The following RUNX1 variants were observed in gnomAD, a reference collection of about 807,000 sequenced individuals.
RUNX1 encodes the protein RUNX family transcription factor 1, also known as runt-related transcription factor 1.
RUNX1 carries 19 observed loss-of-function variants against 42.8 expected under a neutral mutation model. The ratio of observed to expected loss-of-function variants is 0.44; its 90% confidence interval spans 0.31 to 0.65. RUNX1 has a LOEUF of 0.65. Ranked by LOEUF, RUNX1 falls within the 30% of genes least tolerant of loss-of-function variation. The probability of loss-of-function intolerance (pLI) is 0.07; values close to 1 mark genes in which losing one functional copy is unlikely to be tolerated. For synonymous variants in RUNX1, 271 were observed against 289.4 expected (o/e 0.94, Z 0.64); for missense variants, 528 against 672.0 (o/e 0.79, Z 2.37).
At chr21:34,961,915 C>CA (rs1219039403) in intron 2 of RUNX1, among the ~76,000 whole-genome samples, 1 of 151,880 alleles carries the variant, frequency 6.6e-6, no homozygotes, top group African/African-American at 2.4e-5. Flanking sequence ...TTTTGTGAGA[C>CA]AGAGTCTCAC....
intron 3 of RUNX1, 164 bp from the exon 4 acceptor site, chr21:34,887,260 G>GGGGGGGT: frequency 7.8e-6 from 6 of 771,776 alleles, no homozygotes; most frequent in Admixed American, 1.5e-4. Context: ...GGCGGGGGTG[G>GGGGGGGT]TTAGGGGAGG....
chr21:35,019,333 A>G (rs1046763898), intron 2 of RUNX1, among the ~76,000 whole-genome samples: 2 of 152,124 alleles, frequency 1.3e-5, no homozygotes, highest in African/African-American at 2.4e-5. Context: ...AGTCGTCTGA[A>G]TGGCTATGGT....
chr21:35,035,236 C>T (rs183043431), intron 2 of RUNX1, among the ~76,000 whole-genome samples: 5 of 152,292 alleles, frequency 3.3e-5, no homozygotes, highest in East Asian at 1.9e-4. Flanking sequence ...TAATCATCAT[C>T]GTCACACTGT....
At chr21:34,855,229 T>C (rs566610373) in intron 6 of RUNX1, among the ~76,000 whole-genome samples, 1 of 152,080 alleles carries the variant, frequency 6.6e-6, no homozygotes, top group Non-Finnish European at 1.5e-5. Flanking sequence ...CAACCTCTCC[T>C]TGGCAAAATA....
chr21:34,971,083 T>C (rs1363443050), intron 2 of RUNX1, among the ~76,000 whole-genome samples: 1 of 152,214 alleles, frequency 6.6e-6, no homozygotes, highest in African/African-American at 2.4e-5. Flanking sequence ...AAACTGAGGC[T>C]CAGGGAGGTC....
At chr21:34,953,612 C>T (rs2058624195) in intron 2 of RUNX1, among the ~76,000 whole-genome samples, 1 of 152,144 alleles carries the variant, frequency 6.6e-6, no homozygotes, top group Non-Finnish European at 1.5e-5. Flanking sequence ...CTGGAATTAC[C>T]ATAAGAAAGA....
intron 2 of RUNX1, among the ~76,000 whole-genome samples, chr21:34,963,668 C>A (rs925674451): frequency 9.9e-5 from 15 of 152,172 alleles, no homozygotes; most frequent in African/African-American, 3.6e-4. Context: ...CTATAGTCCA[C>A]CCCCAAGAAG....
intron 2 of RUNX1, among the ~76,000 whole-genome samples, chr21:34,919,266 G>A (rs2058335770): frequency 6.6e-6 from 1 of 152,166 alleles, no homozygotes; most frequent in Non-Finnish European, 1.5e-5. Flanking sequence ...GGATTTGCAA[G>A]TATAGTCTTT....
chr21:34,916,725 G>A (rs2834672), intron 2 of RUNX1, among the ~76,000 whole-genome samples: 59,533 of 151,952 alleles, frequency 0.39, 12,887 homozygotes, highest in East Asian at 0.59. Context: ...GGGATGTCAC[G>A]GAATGGCACA....
At chr21:34,965,168 ACATATGCACACATACT>A (rs1456140762) in intron 2 of RUNX1, among the ~76,000 whole-genome samples, 3 of 151,908 alleles carry the variant, frequency 2.0e-5, no homozygotes, top group Non-Finnish European at 4.4e-5. Flanking sequence ...GCACACTCTC[ACATATGCACACATACT>A]CATATGCTCC....
intron 8 of RUNX1, among the ~76,000 whole-genome samples, chr21:34,793,937 C>T (rs1245728927): frequency 3.3e-5 from 5 of 152,116 alleles, no homozygotes; most frequent in Non-Finnish European, 4.4e-5. Context: ...TTCCTGACCT[C>T]AAGTGATCCA....
chr21:34,853,371 A>C (rs2057451844), intron 6 of RUNX1, among the ~76,000 whole-genome samples: 1 of 152,166 alleles, frequency 6.6e-6, no homozygotes, highest in Admixed American at 6.5e-5. Context: ...CTTGAAGAAA[A>C]CTGTATGTGA....
chr21:34,807,761 C>T (rs1176837611), intron 7 of RUNX1, among the ~76,000 whole-genome samples: 2 of 152,206 alleles, frequency 1.3e-5, no homozygotes, highest in East Asian at 3.9e-4. Flanking sequence ...TGGTTTGCAT[C>T]TCACTGTCTG....
intron 2 of RUNX1, among the ~76,000 whole-genome samples, chr21:35,005,769 C>T (rs1332878563): frequency 6.6e-6 from 1 of 152,168 alleles, no homozygotes; most frequent in African/African-American, 2.4e-5. Context: ...AAGTCTCCTC[C>T]CCTCCATCTC....
intron 2 of RUNX1, among the ~76,000 whole-genome samples, chr21:34,908,429 G>T (rs1015899717): frequency 6.6e-6 from 1 of 152,076 alleles, no homozygotes; most frequent in Non-Finnish European, 1.5e-5. Flanking sequence ...TGTCCTCGGG[G>T]AAAAAAAGTA....
rs1601330615 is a variant in RUNX1, at chr21:34,791,672, G to A, written c.*463C>T. ...AAAAATAAGAATTAGATGCCAAACA[G>A]GGCGAGTTGCATCCCTCCTCTCCCC... On this transcript the variant is annotated 3_prime_UTR_variant, in exon 9 of 9. Coordinates refer to ENST00000675419, the MANE Select transcript of RUNX1 (RefSeq NM_001754.5). The A allele has an allele frequency of 4.3e-6, 1 of 231,156 alleles. No individual in the cohort carries two copies. The highest frequency in any genetic ancestry group is 6.1e-5 in the East Asian group (1 of 16,284). 14.3% of individuals were successfully genotyped at this position (231,156 alleles called of 1,614,324 possible).
chr21:34,814,899 C>T (rs1481188789), intron 7 of RUNX1, among the ~76,000 whole-genome samples: 1 of 152,138 alleles, frequency 6.6e-6, no homozygotes, highest in Non-Finnish European at 1.5e-5. Flanking sequence ...CCTATTATAA[C>T]ATCTCCCTTT....
At chr21:34,903,152 G>T (rs548467583) in intron 2 of RUNX1, among the ~76,000 whole-genome samples, 1 of 152,130 alleles carries the variant, frequency 6.6e-6, no homozygotes, top group South Asian at 2.1e-4. Flanking sequence ...TAATTTACAT[G>T]GTGATTGAGA....
At chr21:34,998,693 C>T (rs913707786) in intron 2 of RUNX1, among the ~76,000 whole-genome samples, 9 of 152,120 alleles carry the variant, frequency 5.9e-5, no homozygotes, top group Admixed American at 2.6e-4. Flanking sequence ...AGGCACCCGC[C>T]ACCATGCCTG....
Sources: gnomAD v4.1 joint callset for allele counts (sites outside exome capture counted in the v4.1 genomes callset) on GRCh38, gnomAD v4.1.1 for gene constraint, MANE v1.5 for transcripts, NCBI Gene and HGNC (gene_info 2026-07-23, HGNC 2026-07-21) for gene names.